UBR2: variants seen among roughly 807,000 people sequenced by gnomAD.
UBR2 encodes ubiquitin protein ligase E3 component n-recognin 2.
In UBR2, 92 loss-of-function variants were observed where a neutral mutation model predicts 247.9. That is an observed-to-expected ratio of 0.37 (90% CI 0.31 to 0.44). The LOEUF (loss-of-function observed/expected upper bound fraction) is 0.44. Ranked by LOEUF, UBR2 falls within the 20% of genes least tolerant of loss-of-function variation. UBR2 has a pLI of 1.00. For synonymous variants in UBR2, 672 were observed against 693.5 expected (o/e 0.97, Z 0.49); for missense variants, 1,613 against 2,112.6 (o/e 0.76, Z 4.64).
At chr6:42,581,517 A>G (rs1362314617) in intron 2 of UBR2, among the ~76,000 whole-genome samples, 2 of 152,106 alleles carry the variant, frequency 1.3e-5, no homozygotes, top group East Asian at 1.9e-4. Context: ...TGAAGAGACA[A>G]GGTCTCACTT....
In UBR2 at chr6:42,668,074, T is replaced by C. The variant is rs533094085; in HGVS notation, c.3881+1829T>C. 4.6e-5 allele frequency among the ~76,000 whole-genome samples: 7 copies of C among 152,154 alleles called. No individual in the cohort carries two copies. In the South Asian group the frequency reaches 1.0e-3, roughly 23 times the overall value. Reference sequence around the variant, plus strand: ...ACACCTGGCCTCCTAACAACTTTTCTAAGTGCTCAGATCTGTCCGATGATC... The same window carrying C: ...ACACCTGGCCTCCTAACAACTTTTCCAAGTGCTCAGATCTGTCCGATGATC... On this transcript the variant is annotated intron_variant, in intron 34 of 46. Coordinates refer to ENST00000372901, the MANE Select transcript of UBR2 (RefSeq NM_001363705.2).
intron 7 of UBR2, among the ~76,000 whole-genome samples, chr6:42,607,676 AGCTGGGAGG>A (rs1562303860): frequency 0.27 from 11,806 of 43,900 alleles, 1,034 homozygotes; most frequent in Non-Finnish European, 0.34. Context: ...CACCACTCCC[AGCTGGGAGG>A]ACAGGCATGT....
At chr6:42,653,209 C>G (rs1005387068) in intron 25 of UBR2, among the ~76,000 whole-genome samples, 1 of 152,070 alleles carries the variant, frequency 6.6e-6, no homozygotes, top group Non-Finnish European at 1.5e-5. Flanking sequence ...CTCAGTATCC[C>G]AAGTACCTGG....
At chr6:42,596,903 T>C (rs539708197) in intron 4 of UBR2, among the ~76,000 whole-genome samples, 1 of 152,144 alleles carries the variant, frequency 6.6e-6, no homozygotes, top group African/African-American at 2.4e-5. Context: ...TGGAACTAGA[T>C]TGTAGTAGTT....
At chr6:42,674,261 CAG>C in intron 38 of UBR2, 68 bp downstream of exon 38, 1 of 1,454,624 alleles carries the variant, frequency 6.9e-7, no homozygotes, top group Admixed American at 1.8e-5. Context: ...GTTTGGTGAG[CAG>C]TGTAGTGGCA....
At chr6:42,675,829 C>T (rs1035421908) in intron 38 of UBR2, among the ~76,000 whole-genome samples, 3 of 152,022 alleles carry the variant, frequency 2.0e-5, no homozygotes, top group Non-Finnish European at 2.9e-5. Flanking sequence ...TGATGTTGCA[C>T]GCCTGTAATC....
At chr6:42,569,221 A>C (rs1233064024) in intron 1 of UBR2, among the ~76,000 whole-genome samples, 1 of 152,214 alleles carries the variant, frequency 6.6e-6, no homozygotes, top group Non-Finnish European at 1.5e-5. Flanking sequence ...TATGTTAACT[A>C]TTTTGAAGAA....
Position 42,691,028 on chromosome 6 carries a change from C to T in UBR2, c.5127-4C>T, listed in dbSNP as rs1293610569. 5.6e-6 allele frequency: 9 copies of T among 1,613,654 alleles called. No homozygotes were observed. Among genetic ancestry groups the T allele is most frequent in the Non-Finnish European group, 7.6e-6 (9 of 1,179,918 alleles). On this transcript the variant is annotated splice_polypyrimidine_tract_variant and splice_region_variant and intron_variant, in intron 46 of 46. Transcript: ENST00000372901. The stretch of plus-strand genomic sequence containing the variant: ...TCTGAGTGACATGTGTCTTCTCTTT[C>T]TAGACGGGGAAATCCTTTACATTTA...
chr6:42,644,224 C>A lies in UBR2; in HGVS notation c.2108C>A (p.Ser703Tyr). The A allele has an allele frequency of 6.2e-7, 1 of 1,605,890 alleles. No individual in the cohort carries two copies. Among genetic ancestry groups the A allele is most frequent in the Non-Finnish European group, 8.5e-7 (1 of 1,178,232 alleles). Residue 703 changes from serine (S) to tyrosine (Y), a missense_variant, in exon 19 of 47, where the codon TCC becomes TAC. Physicochemically the swap from Ser to Tyr is moderately radical, Grantham distance 144 (BLOSUM62 -2). This residue lies in a region of UBR2 where 1,524 missense variants were observed against 1,967.3 expected (regional missense o/e 0.77). Coordinates refer to ENST00000372901, the MANE Select transcript of UBR2 (RefSeq NM_001363705.2). The stretch of plus-strand genomic sequence containing the variant: ...AAAAAAAAAAAAAAGACAGGTGTCT[C>A]CATGATGGATCCAAATCATTTCCTG... ...KDVVMLQTGVSMMDPNHFLMI... is the reference protein window; with the variant it reads ...KDVVMLQTGVYMMDPNHFLMI...
intron 8 of UBR2, among the ~76,000 whole-genome samples, chr6:42,614,597 A>T (rs1345169221): frequency 6.6e-6 from 1 of 152,130 alleles, no homozygotes; most frequent in Non-Finnish European, 1.5e-5. Context: ...GTTTTTGTTT[A>T]ATGAATGAAG....
intron 1 of UBR2, among the ~76,000 whole-genome samples, chr6:42,570,392 C>G (rs1791038892): frequency 6.6e-6 from 1 of 152,140 alleles, no homozygotes; most frequent in Admixed American, 6.5e-5. Context: ...ACCACCACTC[C>G]TGGCTAATTT....
At chr6:42,566,391 T>C (rs926691409) in intron 1 of UBR2, among the ~76,000 whole-genome samples, 5 of 152,096 alleles carry the variant, frequency 3.3e-5, no homozygotes, top group African/African-American at 1.2e-4. Flanking sequence ...GTTTACTTTT[T>C]TTGTTTGTTT....
Position 42,630,060 on chromosome 6 carries a change from C to A in UBR2, c.1282-2492C>A, listed in dbSNP as rs965652880. The stretch of plus-strand genomic sequence containing the variant: ...TATAGACAGGAGCCACTGTGGCCAG[C>A]TACTTCCTGTTTTAATGGGACATTA... On this transcript the variant is annotated intron_variant, in intron 11 of 46. Coordinates refer to ENST00000372901, the MANE Select transcript of UBR2 (RefSeq NM_001363705.2). Among the ~76,000 whole-genome samples the A allele has an allele frequency of 2.0e-5, 3 of 151,928 alleles. No individual in the cohort carries two copies. The South Asian group carries it at 6.2e-4, about 32-fold the overall frequency.
At chr6:42,598,639 G>T (rs1793158608) in intron 4 of UBR2, among the ~76,000 whole-genome samples, 1 of 152,116 alleles carries the variant, frequency 6.6e-6, no homozygotes, top group Non-Finnish European at 1.5e-5. Flanking sequence ...ATAATATGTG[G>T]TATCTCCTTT....
At chr6:42,614,368 G>GTATA (rs1183955593) in intron 8 of UBR2, among the ~76,000 whole-genome samples, 7 of 15,270 alleles carry the variant, frequency 4.6e-4, no homozygotes, top group South Asian at 2.0e-3. Context: ...ATATATGTGT[G>GTATA]TATGTGTGTA....
In UBR2 at chr6:42,682,562, G is replaced by A. The variant is rs549984051; in HGVS notation, c.4719-493G>A. Among the ~76,000 whole-genome samples, 272 of 152,106 alleles carry A rather than the reference G, an allele frequency of 1.8e-3. 4 individuals carry two copies. Among genetic ancestry groups the A allele is most frequent in the Non-Finnish European group, 1.4e-3 (92 of 67,996 alleles). ...AGCTTCCCAAGTAGCTGCGACTACA[G>A]GCACATGCCACCACACCCAGCTAAT... is the stretch of plus-strand genomic sequence containing the variant. On this transcript the variant is annotated intron_variant, in intron 42 of 46. Transcript: ENST00000372901.
In UBR2 at chr6:42,655,785, A is replaced by C. The variant is rs1029136464; in HGVS notation, c.2872+62A>C. 12 of 999,618 alleles carry C rather than the reference A, an allele frequency of 1.2e-5. No homozygotes were observed. The African/African-American group carries it at 1.9e-4, about 16-fold the overall frequency. 61.9% of individuals were successfully genotyped at this position (999,618 alleles called of 1,614,324 possible). A position where few individuals can be genotyped will look rare whatever the true frequency, so the allele number is the denominator to read the frequency against. The stretch of plus-strand genomic sequence containing the variant: ...ATAAATGATTTTAAGAAATCACTTA[A>C]TAACCTCTTTTATTTGATCATATAG... On this transcript the variant is annotated intron_variant, in intron 26 of 46. Coordinates refer to ENST00000372901, the MANE Select transcript of UBR2 (RefSeq NM_001363705.2).
In UBR2 at chr6:42,689,655, C is replaced by A; in HGVS notation, c.5111C>A (p.Thr1704Asn). The A allele has an allele frequency of 6.2e-7, 1 of 1,613,984 alleles. No homozygotes were observed. Among genetic ancestry groups the A allele is most frequent in the Non-Finnish European group, 8.5e-7 (1 of 1,179,956 alleles). Residue 1704 changes from threonine to asparagine, a missense_variant, in exon 46 of 47, where the codon ACC becomes AAC. This residue lies in a region of UBR2 where 80 missense variants were observed against 108.6 expected (regional missense o/e 0.74). Transcript: ENST00000372901. The surrounding 1 kb of genome is among the most constrained non-coding windows in gnomAD (Gnocchi z 4.0). ...CCTTACCTTGATGACTATGGGGAGA[C>A]CGACCAGGGACTCAGGTAAGAACCC... ...SPPYLDDYGE[T>N]DQGLRRGNPL...
At chr6:42,614,453 T>C (rs1794410281) in intron 8 of UBR2, among the ~76,000 whole-genome samples, 1 of 151,348 alleles carries the variant, frequency 6.6e-6, no homozygotes, top group African/African-American at 2.4e-5. Context: ...CATATATATG[T>C]ATGGAACAAA....
Sources: gnomAD v4.1 joint callset for allele counts (sites outside exome capture counted in the v4.1 genomes callset) on GRCh38, gnomAD v4.1.1 for gene constraint, gnomAD v4.1.1 regional missense constraint, Gnocchi (gnomAD v3.1) non-coding constraint, MANE v1.5 for transcripts, NCBI Gene and HGNC (gene_info 2026-07-23, HGNC 2026-07-21) for gene names.